Variants in SHTN1 observed in about 807,000 individuals in gnomAD.
SHTN1 encodes the protein shootin-1.
In SHTN1, 42 loss-of-function variants were observed where a neutral mutation model predicts 83.1. That is an observed-to-expected ratio of 0.51 (90% confidence interval 0.39 to 0.65). SHTN1 has a LOEUF of 0.65. Ranked by LOEUF, SHTN1 falls within the 30% of genes least tolerant of loss-of-function variation. The pLI is 0.00. For synonymous variants in SHTN1, 224 were observed against 247.7 expected (o/e 0.90, Z 0.90); for missense variants, 622 against 737.8 (o/e 0.84, Z 1.82).
At chr10:117,049,769 C>G (rs1852715023) in intron 1 of SHTN1, among the ~76,000 whole-genome samples, 1 of 152,130 alleles carries the variant, frequency 6.6e-6, no homozygotes, top group Non-Finnish European at 1.5e-5. Flanking sequence ...GGCCATTAGA[C>G]TAGGTACTGA....
chr10:116,992,521 A>AT (rs1255690992), intron 1 of SHTN1, among the ~76,000 whole-genome samples: 1 of 152,222 alleles, frequency 6.6e-6, no homozygotes, highest in Non-Finnish European at 1.5e-5. Flanking sequence ...AAGAAGGAAA[A>AT]GCTGAAATAC....
intron 1 of SHTN1, among the ~76,000 whole-genome samples, chr10:117,096,587 T>C (rs1853506003): frequency 6.6e-6 from 1 of 152,266 alleles, no homozygotes; most frequent in East Asian, 1.9e-4. Flanking sequence ...TAGATACTTC[T>C]GAACACTACT....
chr10:116,951,083 T>A (rs1849760153), intron 6 of SHTN1, among the ~76,000 whole-genome samples: 1 of 152,124 alleles, frequency 6.6e-6, no homozygotes, highest in South Asian at 2.1e-4. Context: ...TGAAGCCTCG[T>A]GCAAATAAAA....
Position 116,881,807 on chromosome 10 carries a change from T to C in SHTN1, c.*4537A>G, listed in dbSNP as rs1847023866. 1.6e-6 allele frequency: 1 copy of C among 637,876 alleles called. No homozygotes were observed. The highest frequency in any genetic ancestry group is 2.4e-6 in the Non-Finnish European group (1 of 424,200). The allele number at this position is 637,876 out of a possible 1,614,324, so 39.5% of individuals were successfully genotyped here. ...GTGGTTTTTATTCTTCTAATTCCAC[T>C]GTTTGGTAAATTACATATATGATGT... On this transcript the variant is annotated 3_prime_UTR_variant, in exon 17 of 17. Transcript: ENST00000355371.
At chr10:117,005,205 C>T, upstream of SHTN1, 6 of 1,521,076 alleles carry the variant, frequency 3.9e-6, no homozygotes, top group South Asian at 6.2e-5. Flanking sequence ...GATCCGCTCC[C>T]GCTCCTCCTC....
intron 1 of SHTN1, among the ~76,000 whole-genome samples, chr10:117,080,829 GCT>G (rs1156462162): frequency 1.4e-5 from 2 of 138,430 alleles, no homozygotes; most frequent in African/African-American, 2.7e-5. Context: ...TCATGATTTG[GCT>G]CTCTGTCTGT....
At chr10:116,935,605 G>T (rs1428596967) in intron 9 of SHTN1, among the ~76,000 whole-genome samples, 1 of 152,122 alleles carries the variant, frequency 6.6e-6, no homozygotes, top group Non-Finnish European at 1.5e-5. Context: ...ATGTTCATCA[G>T]GGGTATTAGC....
chr10:117,117,229 CATACAAAAATCAAT>C (rs1853861972), intron 1 of SHTN1, among the ~76,000 whole-genome samples: 1 of 152,088 alleles, frequency 6.6e-6, no homozygotes, highest in Non-Finnish European at 1.5e-5. Flanking sequence ...ACAAAATCAA[CATACAAAAATCAAT>C]AGCATTAATA....
intron 1 of SHTN1, among the ~76,000 whole-genome samples, chr10:117,110,668 G>A (rs1032938090): frequency 2.0e-5 from 3 of 152,064 alleles, no homozygotes; most frequent in African/African-American, 7.2e-5. Flanking sequence ...GCTGCAACTT[G>A]AATTTTTAAA....
chr10:117,074,996 T>C (rs1853132045), intron 1 of SHTN1, among the ~76,000 whole-genome samples: 1 of 152,166 alleles, frequency 6.6e-6, no homozygotes, highest in Admixed American at 6.5e-5. Context: ...ATTAAGATAT[T>C]GTGAAGAAAA....
chr10:116,883,072 A>G lies in SHTN1; in HGVS notation c.*3272T>C, dbSNP rs1386658842. On this transcript the variant is annotated 3_prime_UTR_variant, in exon 17 of 17. Transcript: ENST00000355371. ...ACTAAAACCAGAGCAAAAATGTACA[A>G]TGAATAACAAAATAACTAAATTAAA... 2 of 152,148 alleles carry G rather than the reference A, an allele frequency of 1.3e-5. No individual in the cohort carries two copies. Among genetic ancestry groups the G allele is most frequent in the Non-Finnish European group, 2.9e-5 (2 of 68,032 alleles). The allele number at this position is 152,148 out of a possible 1,614,324, so 9.4% of individuals were successfully genotyped here.
intron 2 of SHTN1, among the ~76,000 whole-genome samples, chr10:117,022,014 G>C (rs937488087): frequency 6.6e-6 from 1 of 152,202 alleles, no homozygotes; most frequent in Non-Finnish European, 1.5e-5. Context: ...AAGGCCTTAA[G>C]AGCAAAACCA....
Position 117,037,085 on chromosome 10 carries a change from C to T in SHTN1, c.-123+11360G>A, listed in dbSNP as rs150452319. Among the ~76,000 whole-genome samples, 87 of 152,230 alleles carry T rather than the reference C, an allele frequency of 5.7e-4. 1 individual carries two copies. In the East Asian group the frequency reaches 9.9e-3, roughly 17 times the overall value. ...GGTTGCAGGATACAAGGTTAATATA[C>T]GAAAGTCAATCACTTTCCTATATGC... On this transcript the variant is annotated intron_variant, in intron 2 of 17. Coordinates refer to the SHTN1 transcript ENST00000392901.
chr10:116,947,793 T>C (rs910088702), intron 7 of SHTN1, among the ~76,000 whole-genome samples: 1 of 152,228 alleles, frequency 6.6e-6, no homozygotes, highest in African/African-American at 2.4e-5. Flanking sequence ...GAAGGCAAGA[T>C]CTACATGATT....
intron 2 of SHTN1, among the ~76,000 whole-genome samples, chr10:117,017,620 A>G (rs1419300933): frequency 6.6e-6 from 1 of 152,338 alleles, no homozygotes; most frequent in Admixed American, 6.5e-5. Context: ...GAAGAAGGAA[A>G]AAAGTGTTAT....
At chr10:116,900,307 T>C (rs1237976551) in intron 16 of SHTN1, 8 of 554,108 alleles carry the variant, frequency 1.4e-5, no homozygotes, top group Non-Finnish European at 2.6e-5. Flanking sequence ...TAAGCAGTCA[T>C]TGAACAAGCA....
At chr10:116,897,850 A>T (rs568098528) in intron 16 of SHTN1, among the ~76,000 whole-genome samples, 1 of 152,136 alleles carries the variant, frequency 6.6e-6, no homozygotes, top group South Asian at 2.1e-4. Flanking sequence ...CACCCTGTGC[A>T]TATGTGGACA....
intron 2 of SHTN1, among the ~76,000 whole-genome samples, chr10:117,045,386 A>C (rs1361710730): frequency 2.0e-5 from 3 of 152,198 alleles, no homozygotes; most frequent in Non-Finnish European, 4.4e-5. Flanking sequence ...AGGCTCACGA[A>C]AAAGCTGAGA....
intron 9 of SHTN1, among the ~76,000 whole-genome samples, chr10:116,940,048 C>T (rs759826626): frequency 1.1e-4 from 17 of 152,214 alleles, no homozygotes; most frequent in African/African-American, 3.4e-4. Flanking sequence ...ACTACTAATA[C>T]GGACTGTCAT....
Sources: gnomAD v4.1 joint callset for allele counts (sites outside exome capture counted in the v4.1 genomes callset) on GRCh38, gnomAD v4.1.1 for gene constraint, MANE v1.5 for transcripts, NCBI Gene and HGNC (gene_info 2026-07-23, HGNC 2026-07-21) for gene names.